LPP: variants seen among roughly 807,000 people sequenced by gnomAD.
LPP encodes lipoma-preferred partner.
Under a neutral mutation model 60.4 loss-of-function variants are expected in LPP, and 38 were observed. The ratio of observed to expected loss-of-function variants is 0.63; its 90% CI spans 0.49 to 0.83. The LOEUF (loss-of-function observed/expected upper bound fraction) is 0.83, where lower values mean the gene tolerates loss of function less well. LPP is among the 40% of genes least tolerant of loss of function. LPP has a pLI of 0.00. For missense variants in LPP, 902 were observed against 783.6 expected, an observed-to-expected ratio of 1.15 and a Z score of -1.80; for synonymous variants, 328 against 290.8, an observed-to-expected ratio of 1.13 and a Z score of -1.30.
chr3:188,554,376 T>C (rs1828967810), intron 6 of LPP, among the ~76,000 whole-genome samples: 2 of 152,196 alleles, frequency 1.3e-5, no homozygotes, highest in Admixed American at 6.5e-5. Flanking sequence ...CAGCAAGATA[T>C]GTCCTGTAAA....
intron 11 of LPP, 24 bp downstream of exon 11, chr3:188,872,787 C>A (rs1768468075): frequency 1.2e-6 from 2 of 1,613,666 alleles, no homozygotes; most frequent in Non-Finnish European, 1.7e-6. Flanking sequence ...CCCTGCCCTG[C>A]CAGTCTGTGG....
chr3:188,228,248 A>G (rs1718547185), intron 2 of LPP, among the ~76,000 whole-genome samples: 1 of 152,210 alleles, frequency 6.6e-6, no homozygotes, highest in South Asian at 2.1e-4. Flanking sequence ...GCCATCAAGA[A>G]CATAGAACCT....
chr3:188,238,353 C>T (rs1433082790), intron 2 of LPP, among the ~76,000 whole-genome samples: 1 of 152,114 alleles, frequency 6.6e-6, no homozygotes, highest in East Asian at 1.9e-4. Flanking sequence ...ACTGGAATAG[C>T]ACTTTTAATT....
intron 7 of LPP, among the ~76,000 whole-genome samples, chr3:188,633,303 C>T (rs763698474): frequency 1.6e-4 from 24 of 152,290 alleles, no homozygotes; most frequent in South Asian, 4.2e-4. Context: ...GTTCTTTACA[C>T]AGACCATGTA....
At chr3:188,838,372 C>T (rs1311847189) in intron 9 of LPP, among the ~76,000 whole-genome samples, 1 of 152,118 alleles carries the variant, frequency 6.6e-6, no homozygotes, top group Non-Finnish European at 1.5e-5. Flanking sequence ...ACTCCTAAAC[C>T]CATGTTGATT....
chr3:188,635,236 A>G (rs1848509501), intron 7 of LPP, among the ~76,000 whole-genome samples: 1 of 152,220 alleles, frequency 6.6e-6, no homozygotes, highest in African/African-American at 2.4e-5. Context: ...TCTAACTCAC[A>G]TGCTGCATTG....
At chr3:188,693,978 C>T (rs2149499347) in intron 7 of LPP, among the ~76,000 whole-genome samples, 1 of 152,292 alleles carries the variant, frequency 6.6e-6, no homozygotes, top group East Asian at 1.9e-4. Context: ...AACTCAGTTT[C>T]CCTCCTTGAC....
At position 188,875,870 on chromosome 3, in the gene LPP, G is replaced by A. The variant is rs1769191192; in HGVS notation, c.*1391G>A. On this transcript the variant is annotated 3_prime_UTR_variant, in exon 12 of 12. Transcript: ENST00000617246. ...AGGAGAGACACCTAGCTTAGTCATGGCAAGTTGCCATTTTGTAAACTAAGG... is the reference window on the plus strand; with the variant it reads ...AGGAGAGACACCTAGCTTAGTCATGACAAGTTGCCATTTTGTAAACTAAGG... 5.3e-6 allele frequency: 1 copy of A among 189,962 alleles called. No individual in the cohort carries two copies. The highest frequency in any genetic ancestry group is 2.3e-5 in the African/African-American group (1 of 42,880). 11.8% of individuals were successfully genotyped at this position (189,962 alleles called of 1,614,324 possible).
intron 6 of LPP, among the ~76,000 whole-genome samples, chr3:188,552,475 C>T (rs80184761): frequency 0.014 from 2,154 of 152,248 alleles, 24 homozygotes; most frequent in South Asian, 0.049. Context: ...CAAGATACCA[C>T]GAAATTGGTG....
intron 2 of LPP, among the ~76,000 whole-genome samples, chr3:188,305,598 C>T (rs151026852): frequency 1.3e-5 from 2 of 152,228 alleles, no homozygotes; most frequent in African/African-American, 4.8e-5. Flanking sequence ...CACACACAAA[C>T]ACACAGATAC....
chr3:188,479,228 G>T (rs994174064), intron 4 of LPP, among the ~76,000 whole-genome samples: 3 of 152,144 alleles, frequency 2.0e-5, no homozygotes, highest in African/African-American at 7.2e-5. Context: ...ATGCTTTTAT[G>T]CTTACCTTAA....
chr3:188,733,803 G>A (rs980351790), intron 8 of LPP, among the ~76,000 whole-genome samples: 3 of 151,690 alleles, frequency 2.0e-5, no homozygotes, highest in Non-Finnish European at 2.9e-5. Context: ...ACTTCTATTG[G>A]AATTCATGTG....
intron 5 of LPP, among the ~76,000 whole-genome samples, chr3:188,491,527 G>A (rs2149754835): frequency 6.6e-6 from 1 of 152,286 alleles, no homozygotes. Flanking sequence ...CAGTTGATTT[G>A]TAGCTTGTTT....
At chr3:188,730,206 T>G (rs1276266534) in intron 8 of LPP, among the ~76,000 whole-genome samples, 2 of 152,210 alleles carry the variant, frequency 1.3e-5, no homozygotes, top group African/African-American at 4.8e-5. Context: ...AAGATCCTGA[T>G]GCTTACTTAA....
At chr3:188,798,490 T>A (rs189216528) in intron 9 of LPP, among the ~76,000 whole-genome samples, 1 of 152,356 alleles carries the variant, frequency 6.6e-6, no homozygotes, top group Non-Finnish European at 1.5e-5. Context: ...CCTAAGCTGC[T>A]GTCTCTTCAG....
At chr3:188,407,504 A>G (rs1244667165) in intron 4 of LPP, among the ~76,000 whole-genome samples, 1 of 152,200 alleles carries the variant, frequency 6.6e-6, no homozygotes, top group East Asian at 1.9e-4. Context: ...TTTTCCTCAG[A>G]AAGTACAAGA....
At chr3:188,592,573 C>T (rs1460904892) in intron 6 of LPP, among the ~76,000 whole-genome samples, 2 of 37,774 alleles carry the variant, frequency 5.3e-5, no homozygotes, top group African/African-American at 1.6e-4. Context: ...TAAATGGAGT[C>T]TCACTCTTTC....
At chr3:188,329,340 C>G (rs1250524374) in intron 2 of LPP, among the ~76,000 whole-genome samples, 1 of 152,184 alleles carries the variant, frequency 6.6e-6, no homozygotes, top group Non-Finnish European at 1.5e-5. Context: ...CAAGGAATTC[C>G]AAACTTCTTT....
chr3:188,682,044 A>G (rs1395843189), intron 7 of LPP, among the ~76,000 whole-genome samples: 1 of 152,214 alleles, frequency 6.6e-6, no homozygotes, highest in Non-Finnish European at 1.5e-5. Flanking sequence ...GATCTTCACC[A>G]TAATCCCGTG....
Sources: allele counts gnomAD v4.1 joint callset (sites outside exome capture counted in the v4.1 genomes callset), GRCh38; gene constraint gnomAD v4.1.1; transcripts MANE v1.5; gene names NCBI Gene and HGNC (gene_info 2026-07-23, HGNC 2026-07-21).